EPS8L3: variants seen among roughly 807,000 people sequenced by gnomAD.
The protein encoded by EPS8L3 is EPS8 signaling adaptor L3, also known as epidermal growth factor receptor kinase substrate 8-like protein 3.
A neutral mutation model predicts 88.5 loss-of-function variants in EPS8L3; 80 were observed. The observed-to-expected ratio is 0.90, with a 90% CI of 0.75 to 1.09. EPS8L3 has a LOEUF of 1.09. Among genes scored for constraint, EPS8L3 ranks in the 50% least tolerant of loss-of-function variants. EPS8L3 has a pLI of 0.00. For missense variants in EPS8L3, 721 were observed against 735.2 expected (o/e 0.98, Z 0.22); for synonymous variants, 286 against 291.0 (o/e 0.98, Z 0.18).
chr1:109,752,630 C>T (rs549668863), intron 14 of EPS8L3, 56 bp downstream of exon 14: 2 of 1,484,964 alleles, frequency 1.3e-6, no homozygotes, highest in Non-Finnish European at 1.8e-6. Context: ...TCCAAAGGAA[C>T]AGCCCTGTCC....
rs913052320 is a variant in EPS8L3, at chr1:109,752,375, T to C, written c.1236-182A>G. 6 of 634,726 alleles carry C rather than the reference T, an allele frequency of 9.5e-6. No individual in the cohort carries two copies. In the Admixed American group the frequency reaches 1.5e-4, roughly 16 times the overall value. 39.3% of individuals were successfully genotyped at this position (634,726 alleles called of 1,614,324 possible). Reference sequence around the variant, plus strand: ...TTCTGCAGGCAGGAGGGGTCTGAAATGTCATTGATTTCTGAAGACATTTCC... The same window carrying C: ...TTCTGCAGGCAGGAGGGGTCTGAAACGTCATTGATTTCTGAAGACATTTCC... On this transcript the variant is annotated intron_variant, in intron 14 of 18. Coordinates refer to ENST00000361965, the MANE Select transcript of EPS8L3 (RefSeq NM_133181.4).
Position 109,752,058 on chromosome 1 carries a change from G to C in EPS8L3, c.1371C>G (p.Val457=). Residue 457 remains valine, a synonymous_variant, in exon 15 of 19, where the codon GTC becomes GTG. Transcript: ENST00000361965. ...GGTTCCTAGCTTCAAACTCGTACAA[G>C]ACTTGCATTTTCAGGGCTGGCTGGG... is the stretch of plus-strand genomic sequence containing the variant. The part of the protein sequence containing the change: ...KPAQPALKMQ[V]LYEFEARNPR... 1 of 1,614,040 alleles carries C rather than the reference G, an allele frequency of 6.2e-7. No individual in the cohort carries two copies.
intron 1 of EPS8L3, among the ~76,000 whole-genome samples, chr1:109,763,485 G>C (rs1651220356): frequency 6.6e-6 from 1 of 152,162 alleles, no homozygotes; most frequent in South Asian, 2.1e-4. Context: ...GAGGGAGCTG[G>C]CTTGGCCTGC....
rs1349918083 is a variant in EPS8L3, at chr1:109,757,183, G to A, written c.970-18C>T. On this transcript the variant is annotated intron_variant, in intron 11 of 18. Coordinates refer to ENST00000361965, the MANE Select transcript of EPS8L3 (RefSeq NM_133181.4). ...GCCAGGATCTAGGGGAGAGATGGAA[G>A]GTGTCAGGAAGCCTAGGCTCCCACA... 6.3e-7 allele frequency: 1 copy of A among 1,590,900 alleles called. No individual in the cohort carries two copies. Among genetic ancestry groups the A allele is most frequent in the Non-Finnish European group, 8.6e-7 (1 of 1,167,170 alleles).
chr1:109,752,212 A>G lies in EPS8L3; in HGVS notation c.1236-19T>C. On this transcript the variant is annotated intron_variant, in intron 14 of 18. Coordinates refer to ENST00000361965, the MANE Select transcript of EPS8L3 (RefSeq NM_133181.4). ...TCCCCGCCTAAGAAACAGAGTCAGG[A>G]TGGCTGGAGAATGGGGCCTCAGAAA... The G allele has an allele frequency of 7.5e-6, 12 of 1,601,206 alleles. No individual in the cohort carries two copies. Among genetic ancestry groups the G allele is most frequent in the Non-Finnish European group, 9.4e-6 (11 of 1,171,716 alleles).
Position 109,751,797 on chromosome 1 carries a change from C to T in EPS8L3, c.1435-15G>A, listed in dbSNP as rs760608768. On this transcript the variant is annotated splice_polypyrimidine_tract_variant and intron_variant, in intron 15 of 18. Transcript: ENST00000361965. ...TGGTCCAGAACCTGCCAAGAGTCAC[C>T]ACCTCAGTCCCCTGAGCCTCTTTCC... 1.1e-5 allele frequency: 18 copies of T among 1,612,596 alleles called. No homozygotes were observed. The highest frequency in any genetic ancestry group is 1.3e-5 in the African/African-American group (1 of 74,888).
At chr1:109,750,570 T>A (rs929040142) in intron 18 of EPS8L3, 90 bp downstream of exon 18, 1 of 1,598,954 alleles carries the variant, frequency 6.3e-7, no homozygotes, top group Non-Finnish European at 8.6e-7. Flanking sequence ...GCCCCAGGGC[T>A]GGGCCTGCAG....
In EPS8L3 at chr1:109,757,106, G is replaced by A. The variant is rs1463123817; in HGVS notation, c.1029C>T (p.Thr343=). The A allele has an allele frequency of 1.9e-6, 3 of 1,614,070 alleles. No individual in the cohort carries two copies. The highest frequency in any genetic ancestry group is 2.5e-6 in the Non-Finnish European group (3 of 1,179,936). The part of the protein sequence containing the change: ...LAAQVISPLL[T]PKAINLLQSC... The stretch of plus-strand genomic sequence containing the variant: ...ACTGTAGCAGGTTGATAGCTTTAGG[G>A]GTGAGGAGGGGTGAGATCACTTGGG... Residue 343 remains threonine, a synonymous_variant, in exon 12 of 19, where the codon ACC becomes ACT. Coordinates refer to ENST00000361965, the MANE Select transcript of EPS8L3 (RefSeq NM_133181.4).
Position 109,758,572 on chromosome 1 carries a change from C to G in EPS8L3, c.553G>C (p.Glu185Gln), listed in dbSNP as rs535127308. ...PLPMEQARYL[E>Q]PGIPPEQPHQ... Reference sequence around the variant, plus strand: ...GGCTGTTCTGGAGGGATCCCCGGCTCCAGATAGCGTGCCTGCTCCATAGGG... The same window carrying G: ...GGCTGTTCTGGAGGGATCCCCGGCTGCAGATAGCGTGCCTGCTCCATAGGG... Residue 185 changes from glutamate to glutamine, a missense_variant, in exon 7 of 19, where the codon GAG becomes CAG. Glu to Gln is a conservative substitution (Grantham distance 29, BLOSUM62 2). Coordinates refer to ENST00000361965, the MANE Select transcript of EPS8L3 (RefSeq NM_133181.4). 7 of 1,613,352 alleles carry G rather than the reference C, an allele frequency of 4.3e-6. No homozygotes were observed. In the Admixed American group the frequency reaches 5.0e-5, roughly 12 times the overall value.
rs200148823 is a variant in EPS8L3 at position 109,752,234 on chromosome 1, G to A, written c.1236-41C>T. ...AGGATGGCTGGAGAATGGGGCCTCAGAAATTAAGCCTATGTCCCAGCCCTG... is the reference window on the plus strand; with the variant it reads ...AGGATGGCTGGAGAATGGGGCCTCAAAAATTAAGCCTATGTCCCAGCCCTG... On this transcript the variant is annotated intron_variant, in intron 14 of 18. Transcript: ENST00000361965. 28 of 1,571,578 alleles carry A rather than the reference G, an allele frequency of 1.8e-5. No homozygotes were observed. The African/African-American group carries it at 3.5e-4, about 20-fold the overall frequency.
Position 109,750,191 on chromosome 1 carries a change from TG to T in EPS8L3, c.*199del. 1 of 629,516 alleles carries T rather than the reference TG, an allele frequency of 1.6e-6. No individual in the cohort carries two copies. The allele number at this position is 629,516 out of a possible 1,614,324, so 39.0% of individuals were successfully genotyped here. ...AGAGGTAAAATAAATAGGTGGTTAC[TG>T]GGGAGGCTCCAACACAGCCAGAAGG... On this transcript the variant is annotated 3_prime_UTR_variant, in exon 19 of 19. Coordinates refer to ENST00000361965, the MANE Select transcript of EPS8L3 (RefSeq NM_133181.4).
chr1:109,762,179 G>A (rs568462762), intron 1 of EPS8L3, among the ~76,000 whole-genome samples: 14 of 152,284 alleles, frequency 9.2e-5, no homozygotes, highest in South Asian at 2.1e-4. Flanking sequence ...AGCCGACCCC[G>A]CCAGAGGAGG....
chr1:109,750,089 A>G lies in EPS8L3; in HGVS notation c.*302T>C, dbSNP rs1445468190. The G allele has an allele frequency of 2.2e-6, 1 of 448,544 alleles. No homozygotes were observed. The highest frequency in any genetic ancestry group is 2.0e-5 in the African/African-American group (1 of 50,344). The allele number at this position is 448,544 out of a possible 1,614,324, so 27.8% of individuals were successfully genotyped here. The stretch of plus-strand genomic sequence containing the variant: ...GCGAGGGAGGCACATGACAAGCTTG[A>G]AGATGCTTTTATTGAGAAGGAGAGG... On this transcript the variant is annotated 3_prime_UTR_variant, in exon 19 of 19. Transcript: ENST00000361965.
chr1:109,759,986 C>A lies in EPS8L3; in HGVS notation c.97-150G>T. The stretch of plus-strand genomic sequence containing the variant: ...CCAGGCTTCAGATAAAGCAACTTTC[C>A]AGGGCCAATGTGAGGGACGGTGTCG... On this transcript the variant is annotated intron_variant, in intron 3 of 18. Coordinates refer to ENST00000361965, the MANE Select transcript of EPS8L3 (RefSeq NM_133181.4). This position sits in a 1 kb window ranked among gnomAD's most constrained non-coding sequence, Gnocchi z 4.2. 1 of 781,316 alleles carries A rather than the reference C, an allele frequency of 1.3e-6. No homozygotes were observed. Among genetic ancestry groups the A allele is most frequent in the South Asian group, 1.8e-5 (1 of 54,548 alleles). The allele number at this position is 781,316 out of a possible 1,614,324, so 48.4% of individuals were successfully genotyped here.
Position 109,759,945 on chromosome 1 carries a change from C to A in EPS8L3, c.97-109G>T. 2 of 1,227,402 alleles carry A rather than the reference C, an allele frequency of 1.6e-6. No individual in the cohort carries two copies. Among genetic ancestry groups the A allele is most frequent in the Non-Finnish European group, 2.3e-6 (2 of 884,780 alleles). The allele number at this position is 1,227,402 out of a possible 1,614,324, so 76.0% of individuals were successfully genotyped here. Reference sequence around the variant, plus strand: ...AGGAAGAAGACGTGTCCTCGGCCCCCTTGAGGTAGGAGGTTCCAGGCTTCA... The same window carrying A: ...AGGAAGAAGACGTGTCCTCGGCCCCATTGAGGTAGGAGGTTCCAGGCTTCA... On this transcript the variant is annotated intron_variant, in intron 3 of 18. Transcript: ENST00000361965. The surrounding 1 kb of genome is among the most constrained non-coding windows in gnomAD (Gnocchi z 4.2).
chr1:109,756,174 G>T (rs1434078257), intron 12 of EPS8L3, among the ~76,000 whole-genome samples: 1 of 152,238 alleles, frequency 6.6e-6, no homozygotes, highest in Non-Finnish European at 1.5e-5. Flanking sequence ...TTCCAAGGAT[G>T]CCTCAGCTCA....
In EPS8L3 at chr1:109,761,231, C is replaced by T. The variant is rs559017791; in HGVS notation, c.96+264G>A. 7 of 442,086 alleles carry T rather than the reference C, an allele frequency of 1.6e-5. No individual in the cohort carries two copies. In the Admixed American group the frequency reaches 2.4e-4, roughly 15 times the overall value. 27.4% of individuals were successfully genotyped at this position (442,086 alleles called of 1,614,324 possible). A position where few individuals can be genotyped will look rare whatever the true frequency, so the allele number is the denominator to read the frequency against. The stretch of plus-strand genomic sequence containing the variant: ...TTCTTATCCCATCCTGCTGCTACTT[C>T]TTCCTGTCTGGGGACAGGACACTCA... On this transcript the variant is annotated intron_variant, in intron 3 of 18. Transcript: ENST00000361965.
chr1:109,752,597 C>T, intron 14 of EPS8L3, 89 bp downstream of exon 14: 2 of 1,270,690 alleles, frequency 1.6e-6, no homozygotes, highest in Non-Finnish European at 1.1e-6. Flanking sequence ...TCTTGGCTCT[C>T]TTAAGATGTA....
In EPS8L3 at chr1:109,761,520, G is replaced by A. The variant is rs200226551; in HGVS notation, c.71C>T (p.Pro24Leu). 44 of 1,613,426 alleles carry A rather than the reference G, an allele frequency of 2.7e-5. 1 individual carries two copies. In the South Asian group the frequency reaches 2.7e-4, roughly 10 times the overall value. The stretch of plus-strand genomic sequence containing the variant: ...CTCCACCCTGTGCTGCAGGAGGGTG[G>A]GCTCTGAGGTGAGGTTCTGGGAGTA... ...KEYSQNLTSEPTLLQHRVEHL... is the reference protein window; with the variant it reads ...KEYSQNLTSELTLLQHRVEHL... The change falls in exon 3 of 19, where the codon CCC becomes CTC. Residue 24 changes from proline to leucine, a missense_variant. Pro to Leu is a moderately conservative substitution (Grantham distance 98, BLOSUM62 -3). Transcript: ENST00000361965.
Sources: gnomAD v4.1 joint callset for allele counts (sites outside exome capture counted in the v4.1 genomes callset) on GRCh38, gnomAD v4.1.1 for gene constraint, Gnocchi (gnomAD v3.1) non-coding constraint, MANE v1.5 for transcripts, NCBI Gene and HGNC (gene_info 2026-07-23, HGNC 2026-07-21) for gene names.